Variants in DNAH9 observed in about 807,000 individuals in gnomAD.
DNAH9 encodes the protein DNAH9 variant protein.
Under a neutral mutation model 471.6 loss-of-function variants are expected in DNAH9, and 345 were observed. The ratio of observed to expected loss-of-function variants is 0.73; its 90% CI spans 0.67 to 0.80. The LOEUF (loss-of-function observed/expected upper bound fraction) is 0.80, where lower values mean the gene tolerates loss of function less well. Among genes scored for constraint, DNAH9 ranks in the 30% least tolerant of loss-of-function variants. DNAH9 has a pLI of 0.00. For synonymous variants in DNAH9, 2,093 were observed against 2,123.6 expected (o/e 0.99, Z 0.40); for missense variants, 5,407 against 5,609.2 (o/e 0.96, Z 1.15).
chr17:11,799,360 A>G (rs1318565570), intron 43 of DNAH9, among the ~76,000 whole-genome samples: 1 of 150,616 alleles, frequency 6.6e-6, no homozygotes, highest in Non-Finnish European at 1.5e-5. Context: ...TAAAAATTTT[A>G]TTTTATTTTA....
At chr17:11,963,123 A>G (rs1976373342) in intron 68 of DNAH9, among the ~76,000 whole-genome samples, 1 of 139,930 alleles carries the variant, frequency 7.1e-6, no homozygotes, top group Non-Finnish European at 1.6e-5. Context: ...CCTAAATCCA[A>G]TGACCAGTGC....
At chr17:11,827,837 C>T (rs1970549614) in intron 48 of DNAH9, among the ~76,000 whole-genome samples, 2 of 152,128 alleles carry the variant, frequency 1.3e-5, no homozygotes, top group Non-Finnish European at 2.9e-5. Flanking sequence ...AGGCATGCGC[C>T]ACCACACCCG....
intron 50 of DNAH9, among the ~76,000 whole-genome samples, chr17:11,859,713 CAA>C (rs1971772783): frequency 6.6e-6 from 1 of 152,096 alleles, no homozygotes; most frequent in Non-Finnish European, 1.5e-5. Context: ...TGTCATTTGG[CAA>C]GAGCGGGAGC....
chr17:11,871,187 G>C (rs1972248905), intron 51 of DNAH9, among the ~76,000 whole-genome samples: 1 of 152,174 alleles, frequency 6.6e-6, no homozygotes, highest in South Asian at 2.1e-4. Context: ...GCATGGACTT[G>C]ATTTTGTTTA....
chr17:11,678,970 A>G (rs1033809095), intron 17 of DNAH9, among the ~76,000 whole-genome samples: 1 of 152,130 alleles, frequency 6.6e-6, no homozygotes, highest in Non-Finnish European at 1.5e-5. Context: ...CGTATATCAT[A>G]CAGCAGTCTA....
intron 50 of DNAH9, among the ~76,000 whole-genome samples, chr17:11,859,896 G>T (rs1971781503): frequency 6.6e-6 from 1 of 152,130 alleles, no homozygotes; most frequent in Non-Finnish European, 1.5e-5. Flanking sequence ...ACTGGGAATC[G>T]CATTTCAACC....
intron 67 of DNAH9, among the ~76,000 whole-genome samples, chr17:11,950,504 T>C (rs942621125): frequency 6.6e-6 from 1 of 152,142 alleles, no homozygotes; most frequent in African/African-American, 2.4e-5. Flanking sequence ...TAGCTGGAAC[T>C]ACAGGTGCAC....
At chr17:11,835,935 C>T (rs114636780) in intron 49 of DNAH9, among the ~76,000 whole-genome samples, 2,046 of 152,254 alleles carry the variant, frequency 0.013, 50 homozygotes, top group African/African-American at 0.047. Context: ...CCACATGCCT[C>T]GGAGCTAGCC....
intron 42 of DNAH9, among the ~76,000 whole-genome samples, chr17:11,797,096 A>G (rs906999355): frequency 2.6e-5 from 4 of 152,194 alleles, no homozygotes; most frequent in African/African-American, 7.2e-5. Context: ...TCAGAAACCA[A>G]GCCCTCTGGA....
intron 14 of DNAH9, among the ~76,000 whole-genome samples, chr17:11,655,463 T>C (rs1404302160): frequency 6.6e-6 from 1 of 151,948 alleles, no homozygotes; most frequent in Non-Finnish European, 1.5e-5. Context: ...TCAGTGGTTT[T>C]TGTCTAAAAA....
chr17:11,692,158 G>C (rs2150755529), intron 20 of DNAH9, among the ~76,000 whole-genome samples: 1 of 152,260 alleles, frequency 6.6e-6, no homozygotes, highest in African/African-American at 2.4e-5. Flanking sequence ...GGGAAGGAAT[G>C]GCAGGCCTGG....
chr17:11,787,486 T>C (rs919252258), intron 41 of DNAH9, among the ~76,000 whole-genome samples: 3 of 152,180 alleles, frequency 2.0e-5, no homozygotes, highest in Non-Finnish European at 4.4e-5. Context: ...AAAGGCCTGA[T>C]TGAAGGGTAT....
At position 11,822,000 on chromosome 17, in the gene DNAH9, C is replaced by G; in HGVS notation, c.8788C>G (p.Leu2930Val). ...GAGGAATGAAGTCAAGAGCCAGGGT[C>G]TGGTTGACAACAGAGAGAACTGTTG... ...NVRNEVKSQG[L>V]VDNRENCWKF... The change falls in exon 46 of 69, where the codon CTG (leucine) becomes GTG (valine). Residue 2930 changes from leucine (L) to valine (V), a missense_variant. By Grantham distance (32) the Leu-to-Val change is conservative. This residue lies in a region of DNAH9 where 4,636 missense variants were observed against 4,900.3 expected (regional missense o/e 0.95). Transcript: ENST00000262442. The G allele has an allele frequency of 1.2e-6, 2 of 1,614,140 alleles. No homozygotes were observed. Among genetic ancestry groups the G allele is most frequent in the Non-Finnish European group, 1.7e-6 (2 of 1,179,998 alleles).
intron 32 of DNAH9, among the ~76,000 whole-genome samples, chr17:11,750,741 A>G (rs574672570): frequency 7.6e-4 from 115 of 152,290 alleles, no homozygotes; most frequent in Admixed American, 2.7e-3. Context: ...TACTTCATAC[A>G]AGAACACCTA....
At chr17:11,738,689 A>G (rs948082653) in intron 28 of DNAH9, among the ~76,000 whole-genome samples, 191 bp from the exon 29 acceptor site, 11 of 152,068 alleles carry the variant, frequency 7.2e-5, no homozygotes, top group African/African-American at 2.7e-4. Context: ...CAGTGGCCAG[A>G]TTTCTTTTAG....
rs199985957 is a variant in DNAH9 at position 11,669,382 on chromosome 17, G to C, written c.2941G>C (p.Gly981Arg). 6 of 1,611,930 alleles carry C rather than the reference G, an allele frequency of 3.7e-6. No homozygotes were observed. In the Middle Eastern group the frequency reaches 5.0e-4, roughly 133 times the overall value. The change falls in exon 17 of 69, where the codon GGT (glycine) becomes CGT (arginine). Residue 981 changes from glycine to arginine, a missense_variant. Around this residue, in one of 3 missense-constraint regions of DNAH9, gnomAD observed 4,636 missense variants for 4,900.3 expected, o/e 0.95. Coordinates refer to ENST00000262442, the MANE Select transcript of DNAH9 (RefSeq NM_001372.4). ...GSPHYQVDLD[G>R]IPDLANMRRT... ...CTCGCTTCCCCAGGTCGACCTGGAC[G>C]GTATACCAGATTTGGCAAACATGCG...
chr17:11,680,268 A>G (rs148301770), intron 18 of DNAH9, among the ~76,000 whole-genome samples: 1 of 152,216 alleles, frequency 6.6e-6, no homozygotes, highest in African/African-American at 2.4e-5. Context: ...GATCTGAAAT[A>G]TGTTAAGATG....
At chr17:11,692,668 A>G (rs2074354524) in intron 20 of DNAH9, among the ~76,000 whole-genome samples, 3 of 151,770 alleles carry the variant, frequency 2.0e-5, no homozygotes, top group Admixed American at 2.0e-4. Flanking sequence ...TCACATTAAG[A>G]TGTTATCCGC....
At chr17:11,888,906 T>C (rs924545814) in intron 57 of DNAH9, among the ~76,000 whole-genome samples, 1 of 152,198 alleles carries the variant, frequency 6.6e-6, no homozygotes, top group Non-Finnish European at 1.5e-5. Context: ...GCAGGAACCA[T>C]TCATCCTAGC....
Sources: gnomAD v4.1 joint callset for allele counts (sites outside exome capture counted in the v4.1 genomes callset) on GRCh38, gnomAD v4.1.1 for gene constraint, gnomAD v4.1.1 regional missense constraint, MANE v1.5 for transcripts, NCBI Gene and HGNC (gene_info 2026-07-23, HGNC 2026-07-21) for gene names.